Variants in INTS4 observed in about 807,000 individuals in gnomAD.
INTS4 encodes MSTP093.
INTS4 carries 70 observed loss-of-function variants against 119.5 expected under a neutral mutation model. That is an observed-to-expected ratio of 0.59 (90% confidence interval 0.48 to 0.71). INTS4 has a LOEUF of 0.71. Among genes scored for constraint, INTS4 ranks in the 30% least tolerant of loss-of-function variants. INTS4 has a pLI of 0.00. For missense variants in INTS4, 867 were observed against 1,173.2 expected, an observed-to-expected ratio of 0.74 and a Z score of 3.81; for synonymous variants, 316 against 419.6, an observed-to-expected ratio of 0.75 and a Z score of 3.02.
At chr11:77,986,616 A>G (rs1179949381) in intron 2 of INTS4, among the ~76,000 whole-genome samples, 1 of 152,256 alleles carries the variant, frequency 6.6e-6, no homozygotes, top group Middle Eastern at 3.2e-3. Context: ...GACTGGATTA[A>G]GAAAATGTGG....
At chr11:77,978,936 G>C in intron 4 of INTS4, 60 bp downstream of exon 4, 2 of 1,034,494 alleles carry the variant, frequency 1.9e-6, no homozygotes, top group Non-Finnish European at 3.0e-6. Context: ...ACCATTAATG[G>C]TCCTTAGCAG....
chr11:77,890,646 T>C (rs1418754718), intron 21 of INTS4, among the ~76,000 whole-genome samples: 1 of 152,316 alleles, frequency 6.6e-6, no homozygotes, highest in East Asian at 1.9e-4. Context: ...TCAATGAAAC[T>C]GTGCACACCC....
At chr11:77,985,166 A>T (rs1463869630) in intron 2 of INTS4, among the ~76,000 whole-genome samples, 1 of 152,166 alleles carries the variant, frequency 6.6e-6, no homozygotes, top group Non-Finnish European at 1.5e-5. Context: ...CCAAACTTAC[A>T]GTCTTCTAAT....
chr11:77,896,045 A>G (rs1393064203), intron 18 of INTS4, among the ~76,000 whole-genome samples: 2 of 152,228 alleles, frequency 1.3e-5, no homozygotes, highest in Non-Finnish European at 2.9e-5. Context: ...GGAGCTGTAA[A>G]GGAGACCAAG....
In INTS4 at chr11:77,945,873, C is replaced by A. The variant is rs184905369; in HGVS notation, c.919-4622G>T. ...CACAGTCCAACTGGTCCTGTGGTAG[C>A]CCTGGCCCCCTACCATAGACTGCTG... On this transcript the variant is annotated intron_variant, in intron 8 of 22. Coordinates refer to ENST00000534064, the MANE Select transcript of INTS4 (RefSeq NM_033547.4). 4.1e-3 allele frequency among the ~76,000 whole-genome samples: 624 copies of A among 152,300 alleles called. 3 individuals carry two copies. The highest frequency in any genetic ancestry group is 0.014 in the African/African-American group (597 of 41,558).
chr11:77,972,482 T>C (rs541596367), intron 4 of INTS4, among the ~76,000 whole-genome samples: 22 of 152,096 alleles, frequency 1.4e-4, no homozygotes, highest in South Asian at 4.2e-4. Context: ...GGTGGTGTGA[T>C]CACAGCTCAC....
intron 4 of INTS4, among the ~76,000 whole-genome samples, chr11:77,965,628 G>A (rs1183782524): frequency 1.3e-5 from 2 of 152,108 alleles, no homozygotes; most frequent in African/African-American, 2.4e-5. Context: ...TGTCTTCAAG[G>A]TTCATACATG....
chr11:77,911,442 T>G (rs938639513), intron 15 of INTS4, among the ~76,000 whole-genome samples: 2 of 152,222 alleles, frequency 1.3e-5, no homozygotes, highest in African/African-American at 4.8e-5. Context: ...TCCAGGAAGA[T>G]TCTGCCTTCT....
At chr11:77,913,793 C>T (rs1953143253) in intron 15 of INTS4, among the ~76,000 whole-genome samples, 1 of 152,140 alleles carries the variant, frequency 6.6e-6, no homozygotes. Flanking sequence ...GTTTGGATTA[C>T]AAAACAGGGC....
At position 77,990,338 on chromosome 11, in the gene INTS4, C is replaced by T. The variant is rs996222104; in HGVS notation, c.246+770G>A. ...CCCAGGAGTTCCAGGCTACAGTGAC[C>T]TATGATGATGCCACTAAACTCTAGG... On this transcript the variant is annotated intron_variant, in intron 2 of 22. Coordinates refer to ENST00000534064, the MANE Select transcript of INTS4 (RefSeq NM_033547.4). 6.6e-5 allele frequency among the ~76,000 whole-genome samples: 10 copies of T among 152,192 alleles called. No homozygotes were observed. The South Asian group carries it at 2.1e-3, about 32-fold the overall frequency.
rs550520075 is a variant in INTS4, at chr11:77,970,553, G to A, written c.471+8443C>T. On this transcript the variant is annotated intron_variant, in intron 4 of 22. Coordinates refer to ENST00000534064, the MANE Select transcript of INTS4 (RefSeq NM_033547.4). ...TTGAAAGCAGCTGAGCGAACACCAG[G>A]CACAGTGGCTCACTCCTGTAATCCT... Among the ~76,000 whole-genome samples, 9 of 152,032 alleles carry A rather than the reference G, an allele frequency of 5.9e-5. No individual in the cohort carries two copies. The East Asian group carries it at 1.6e-3, about 26-fold the overall frequency.
chr11:77,994,009 A>G (rs1286987726), intron 1 of INTS4, among the ~76,000 whole-genome samples: 2 of 152,126 alleles, frequency 1.3e-5, no homozygotes, highest in African/African-American at 4.8e-5. Context: ...CTTCATGGTG[A>G]GGAAGGTACT....
chr11:77,876,779 T>C (rs765075709), downstream of INTS4, among the ~76,000 whole-genome samples: 1 of 152,196 alleles, frequency 6.6e-6, no homozygotes, highest in Non-Finnish European at 1.5e-5. Flanking sequence ...AGACAGACAT[T>C]ATCTCAAAGC....
At chr11:77,883,988 G>T in intron 21 of INTS4, 36 bp from the exon 22 acceptor site, 1 of 1,601,466 alleles carries the variant, frequency 6.2e-7, no homozygotes, top group Non-Finnish European at 8.5e-7. Context: ...AGGCAGAAGC[G>T]AGAGGAGCAT....
intron 8 of INTS4, among the ~76,000 whole-genome samples, chr11:77,946,292 A>G (rs964985605): frequency 6.6e-6 from 1 of 152,224 alleles, no homozygotes; most frequent in Non-Finnish European, 1.5e-5. Flanking sequence ...CAAAGGCAAC[A>G]CACCATACCC....
intron 4 of INTS4, among the ~76,000 whole-genome samples, chr11:77,976,737 T>C (rs1187557313): frequency 6.6e-6 from 1 of 152,222 alleles, no homozygotes; most frequent in Non-Finnish European, 1.5e-5. Flanking sequence ...CATGGAATCC[T>C]ATGCAGCCAT....
chr11:77,890,027 T>C (rs1952194909), intron 21 of INTS4, among the ~76,000 whole-genome samples: 1 of 152,192 alleles, frequency 6.6e-6, no homozygotes, highest in African/African-American at 2.4e-5. Context: ...CTAGTGTCCA[T>C]AGGCCCTATT....
At chr11:77,898,868 A>G (rs1031022072) in intron 18 of INTS4, among the ~76,000 whole-genome samples, 1 of 152,038 alleles carries the variant, frequency 6.6e-6, no homozygotes, top group Admixed American at 6.5e-5. Context: ...AAAAATAAAA[A>G]AATTAGCTGA....
At chr11:77,920,959 T>C (rs1269449582) in intron 14 of INTS4, among the ~76,000 whole-genome samples, 2 of 151,718 alleles carry the variant, frequency 1.3e-5, no homozygotes. Flanking sequence ...TCTTGCCTAA[T>C]ATCAATAACC....
Sources: allele counts gnomAD v4.1 joint callset (sites outside exome capture counted in the v4.1 genomes callset), GRCh38; gene constraint gnomAD v4.1.1; transcripts MANE v1.5; gene names NCBI Gene and HGNC (gene_info 2026-07-23, HGNC 2026-07-21).